Variants in SLC6A15 observed in about 807,000 individuals in gnomAD.
SLC6A15 encodes the protein solute carrier family 6 member 15.
SLC6A15 carries 33 observed loss-of-function variants against 68.5 expected under a neutral mutation model. The observed-to-expected ratio is 0.48, with a 90% CI of 0.37 to 0.64. SLC6A15 has a LOEUF of 0.64. SLC6A15 is among the 30% of genes least tolerant of loss of function. SLC6A15 has a pLI of 0.00. For missense variants in SLC6A15, 747 were observed against 874.3 expected (o/e 0.85, Z 1.84); for synonymous variants, 347 against 301.0 (o/e 1.15, Z -1.58).
At chr12:84,883,085 A>G in intron 5 of SLC6A15, 1 of 985,146 alleles carries the variant, frequency 1.0e-6, no homozygotes. Context: ...AGAAGAGCCA[A>G]CAGTAAATTC....
At position 84,872,635 on chromosome 12, in the gene SLC6A15, G is replaced by A. The variant is rs1402655670; in HGVS notation, c.1269C>T (p.Leu423=). 6.2e-7 allele frequency: 1 copy of A among 1,608,696 alleles called. No individual in the cohort carries two copies. Among genetic ancestry groups the A allele is most frequent in the Non-Finnish European group, 8.5e-7 (1 of 1,178,788 alleles). The change falls in exon 8 of 12, where the codon CTC becomes CTT. Residue 423 remains leucine, a synonymous_variant. Transcript: ENST00000266682. The part of the protein sequence containing the change: ...VKEEEFPALH[L]NSCKIEEELN... Reference sequence around the variant, plus strand: ...GCTCTTCTTCAATTTTACAGGAATTGAGATGAAGAGCAGGAAACTCTTCTT... The same window carrying A: ...GCTCTTCTTCAATTTTACAGGAATTAAGATGAAGAGCAGGAAACTCTTCTT...
chr12:84,880,387 A>C (rs1191609681), intron 5 of SLC6A15, among the ~76,000 whole-genome samples: 7 of 152,184 alleles, frequency 4.6e-5, no homozygotes, highest in Admixed American at 2.0e-4. Flanking sequence ...AGTTAAATTC[A>C]ACCTATTCAC....
chr12:84,909,989 T>A (rs1341267107), intron 1 of SLC6A15, among the ~76,000 whole-genome samples: 1 of 152,192 alleles, frequency 6.6e-6, no homozygotes, highest in Non-Finnish European at 1.5e-5. Flanking sequence ...CTATTCTGAC[T>A]TATTTTAAAT....
intron 5 of SLC6A15, among the ~76,000 whole-genome samples, chr12:84,877,551 A>G (rs1871606454): frequency 6.6e-6 from 1 of 152,086 alleles, no homozygotes; most frequent in Non-Finnish European, 1.5e-5. Flanking sequence ...GGCCCTTGCT[A>G]TCCTGTGAGT....
intron 1 of SLC6A15, among the ~76,000 whole-genome samples, chr12:84,907,789 T>A (rs1873236102): frequency 6.6e-6 from 1 of 152,162 alleles, no homozygotes; most frequent in Non-Finnish European, 1.5e-5. Context: ...AAACTAGAAA[T>A]AATCCAGATG....
intron 5 of SLC6A15, among the ~76,000 whole-genome samples, chr12:84,878,160 A>G (rs1871645943): frequency 6.6e-6 from 1 of 152,248 alleles, no homozygotes; most frequent in African/African-American, 2.4e-5. Flanking sequence ...AGGAAAAAAT[A>G]TGGATAAAAT....
At chr12:84,883,079 G>T (rs1267539995) in intron 5 of SLC6A15, 1 of 982,866 alleles carries the variant, frequency 1.0e-6, no homozygotes, top group East Asian at 1.1e-4. Context: ...GCAGAGAGAA[G>T]AGCCAACAGT....
At chr12:84,883,793 A>T in intron 5 of SLC6A15, 66 bp downstream of exon 5, 2 of 1,613,864 alleles carry the variant, frequency 1.2e-6, no homozygotes, top group Non-Finnish European at 1.7e-6. Context: ...CTGTAACAGA[A>T]TTTGAGAGAG....
intron 1 of SLC6A15, among the ~76,000 whole-genome samples, chr12:84,906,464 T>C (rs1873158184): frequency 6.6e-6 from 1 of 152,126 alleles, no homozygotes; most frequent in Non-Finnish European, 1.5e-5. Context: ...GGCAAAAAAT[T>C]AGAGGAGCTA....
chr12:84,906,564 G>A (rs186406575), intron 1 of SLC6A15, among the ~76,000 whole-genome samples: 154 of 152,304 alleles, frequency 1.0e-3, no homozygotes, highest in Middle Eastern at 6.8e-3. Context: ...AAGTCTATGT[G>A]AGGTTGGTGA....
rs750174715 is a variant in SLC6A15 at position 84,861,866 on chromosome 12, T to C, written c.1959A>G (p.Ala653=). Residue 653 remains alanine, a synonymous_variant, in exon 12 of 12, where the codon GCA becomes GCG. Transcript: ENST00000266682. ...NLIDDSSGNL[A]SVTYKRGRVL... is the part of the protein sequence containing the mutation. ...CCCTTCCTCTCTTATAGGTCACAGA[T>C]GCTAAATTACCAGAACTATCATCTA... The C allele has an allele frequency of 8.7e-6, 14 of 1,613,860 alleles. No homozygotes were observed. Among genetic ancestry groups the C allele is most frequent in the Non-Finnish European group, 1.2e-5 (14 of 1,179,932 alleles).
rs1268388242 is a variant in SLC6A15 at position 84,872,505 on chromosome 12, G to A, written c.1302+97C>T. The A allele has an allele frequency of 2.3e-5, 20 of 885,182 alleles. No homozygotes were observed. In the Middle Eastern group the frequency reaches 1.4e-3, roughly 63 times the overall value. The allele number at this position is 885,182 out of a possible 1,614,324, so 54.8% of individuals were successfully genotyped here. Reference sequence around the variant, plus strand: ...CTCCGGGCATTTTAAGAGCTTCTTCGGGCATTTTAAGGCCCTTTTCCTGAA... The same window carrying A: ...CTCCGGGCATTTTAAGAGCTTCTTCAGGCATTTTAAGGCCCTTTTCCTGAA... On this transcript the variant is annotated intron_variant, in intron 8 of 11. Coordinates refer to ENST00000266682, the MANE Select transcript of SLC6A15 (RefSeq NM_182767.6).
chr12:84,879,135 C>CA (rs1871701209), intron 5 of SLC6A15, among the ~76,000 whole-genome samples: 1 of 151,866 alleles, frequency 6.6e-6, no homozygotes, highest in African/African-American at 2.4e-5. Context: ...AAGTTGTATG[C>CA]AAAAGTCACA....
At chr12:84,904,978 C>A (rs1873069190) in intron 1 of SLC6A15, among the ~76,000 whole-genome samples, 1 of 152,008 alleles carries the variant, frequency 6.6e-6, no homozygotes, top group Non-Finnish European at 1.5e-5. Flanking sequence ...AAAATTCCAC[C>A]AAACATTTAA....
intron 4 of SLC6A15, among the ~76,000 whole-genome samples, chr12:84,884,655 T>A (rs924489015): frequency 6.6e-6 from 1 of 152,024 alleles, no homozygotes; most frequent in Non-Finnish European, 1.5e-5. Flanking sequence ...CTACTACCCT[T>A]GGAATTATGG....
At chr12:84,910,452 T>G (rs1873383232) in intron 1 of SLC6A15, among the ~76,000 whole-genome samples, 1 of 152,204 alleles carries the variant, frequency 6.6e-6, no homozygotes, top group South Asian at 2.1e-4. Context: ...ATCGCCTGAT[T>G]TTGATGGTCA....
chr12:84,910,982 C>G (rs1304691855), intron 1 of SLC6A15, among the ~76,000 whole-genome samples: 1 of 149,428 alleles, frequency 6.7e-6, no homozygotes, highest in Non-Finnish European at 1.5e-5. Context: ...CCTTCAAAAC[C>G]TAACACTGTT....
At chr12:84,879,816 G>C (rs945325098) in intron 5 of SLC6A15, among the ~76,000 whole-genome samples, 1 of 147,284 alleles carries the variant, frequency 6.8e-6, no homozygotes, top group Non-Finnish European at 1.6e-5. Flanking sequence ...CATGAGGACA[G>C]ACTGTGGCCT....
intron 1 of SLC6A15, among the ~76,000 whole-genome samples, chr12:84,901,219 A>G (rs1303480801): frequency 6.6e-6 from 1 of 151,632 alleles, no homozygotes; most frequent in Admixed American, 6.6e-5. Flanking sequence ...GCACTCGCCA[A>G]TAAAGCCATC....
Sources: gnomAD v4.1 joint callset for allele counts (sites outside exome capture counted in the v4.1 genomes callset) on GRCh38, gnomAD v4.1.1 for gene constraint, MANE v1.5 for transcripts, NCBI Gene and HGNC (gene_info 2026-07-23, HGNC 2026-07-21) for gene names.